H1-7: variants seen among roughly 807,000 people sequenced by gnomAD.
H1-7 encodes the protein H1.7 linker histone, also known as testis-specific H1 histone.
Under a neutral mutation model 0.3 loss-of-function variants are expected in H1-7, and 1 was observed. The observed-to-expected ratio is 3.06, with a 90% CI of 1.09 to 14.53. The LOEUF is 14.53. Among genes scored for constraint, H1-7 ranks in the 30% most tolerant of loss-of-function variants. The pLI, the probability that H1-7 is intolerant of heterozygous loss-of-function variation, is 0.12. For missense variants in H1-7, 393 were observed against 353.1 expected (o/e 1.11, Z -0.91); for synonymous variants, 177 against 153.2 (o/e 1.16, Z -1.15).
Position 48,329,837 on chromosome 12 carries a change from C to A in H1-7, c.546C>A (p.Ala182=). 6.3e-7 allele frequency: 1 copy of A among 1,592,400 alleles called. No homozygotes were observed. Among genetic ancestry groups the A allele is most frequent in the South Asian group, 1.1e-5 (1 of 88,432 alleles). The change falls in exon 1 of 1, where the codon GCC becomes GCA. Residue 182 remains alanine (A), a synonymous_variant. Coordinates refer to ENST00000335017, the MANE Select transcript of H1-7 (RefSeq NM_181788.1). ...GGAACGCGAGGGCGAAAGCCAAGGC[C>A]AATGCCAGGGCGAGGAGGACCAGGA... ...WRRNARAKAK[A]NARARRTRRA... is the part of the protein sequence containing the mutation.
chr12:48,330,099 G>A lies in H1-7; in HGVS notation c.*40G>A. ...AACCGACCGGACATCTAGCGGGCAG[G>A]GGAAGACTCCACTAAAGACTTCCAC... On this transcript the variant is annotated 3_prime_UTR_variant, in exon 1 of 1. Transcript: ENST00000335017. 1.3e-6 allele frequency: 2 copies of A among 1,553,762 alleles called. No homozygotes were observed. The highest frequency in any genetic ancestry group is 1.2e-5 in the South Asian group (1 of 80,712).
Position 48,329,020 on chromosome 12 carries a change from A to G in H1-7, c.-272A>G, listed in dbSNP as rs1952535959. The G allele has an allele frequency of 2.3e-6, 1 of 435,984 alleles. No individual in the cohort carries two copies. The highest frequency in any genetic ancestry group is 4.0e-6 in the Non-Finnish European group (1 of 247,072). 27.0% of individuals were successfully genotyped at this position (435,984 alleles called of 1,614,324 possible). On this transcript the variant is annotated 5_prime_UTR_variant, in exon 1 of 1. Coordinates refer to ENST00000335017, the MANE Select transcript of H1-7 (RefSeq NM_181788.1). ...AGATGGTTTGCAGGACCACATACAC[A>G]CACAAAATAGCCGACTAAAGAAAGC...
In H1-7 at chr12:48,329,384, A is replaced by C. The variant is rs773355564; in HGVS notation, c.93A>C (p.Glu31Asp). The stretch of plus-strand genomic sequence containing the variant: ...CTGAGGCGCCTGGGCCCAGTGGCGA[A>C]TCCCGAGGACACTCAGCCACTCAGC... Reference protein sequence around the residue: ...AMAEAPGPSGESRGHSATQLP... With the variant: ...AMAEAPGPSGDSRGHSATQLP... Residue 31 changes from glutamate to aspartate, a missense_variant, in exon 1 of 1, where the codon GAA (glutamate) becomes GAC (aspartate). By Grantham distance (45) the Glu-to-Asp change is conservative. Transcript: ENST00000335017. 112 of 1,613,498 alleles carry C rather than the reference A, an allele frequency of 6.9e-5. 1 individual carries two copies. Among genetic ancestry groups the C allele is most frequent in the Non-Finnish European group, 8.2e-5 (97 of 1,179,826 alleles).
In H1-7 at chr12:48,330,117, A is replaced by G. The variant is rs373879950; in HGVS notation, c.*58A>G. The G allele has an allele frequency of 6.7e-7, 1 of 1,494,750 alleles. No individual in the cohort carries two copies. The highest frequency in any genetic ancestry group is 8.9e-7 in the Non-Finnish European group (1 of 1,122,322). The allele number at this position is 1,494,750 out of a possible 1,614,324, so 92.6% of individuals were successfully genotyped here. A position where few individuals can be genotyped will look rare whatever the true frequency, so the allele number is the denominator to read the frequency against. ...CGGGCAGGGGAAGACTCCACTAAAGACTTCCACAAAGACCTCCCCTAAATC... is the reference window on the plus strand; with the variant it reads ...CGGGCAGGGGAAGACTCCACTAAAGGCTTCCACAAAGACCTCCCCTAAATC... On this transcript the variant is annotated 3_prime_UTR_variant, in exon 1 of 1. Coordinates refer to ENST00000335017, the MANE Select transcript of H1-7 (RefSeq NM_181788.1).
In H1-7 at chr12:48,329,781, G is replaced by A; in HGVS notation, c.490G>A (p.Ala164Thr). Residue 164 changes from alanine (A) to threonine (T), a missense_variant, in exon 1 of 1, where the codon GCG (alanine) becomes ACG (threonine). Transcript: ENST00000335017. ...SRRRRQPLRKAARKAREVWRR... is the reference protein window; with the variant it reads ...SRRRRQPLRKTARKAREVWRR... ...GAGGCGCCGCCAGCCCCTTCGCAAG[G>A]CGGCCAGGAAGGCCAGAGAAGTGTG... The A allele has an allele frequency of 6.3e-7, 1 of 1,599,586 alleles. No homozygotes were observed. The highest frequency in any genetic ancestry group is 1.3e-5 in the African/African-American group (1 of 74,946).
At position 48,329,805 on chromosome 12, in the gene H1-7, T is replaced by C. The variant is rs956463889; in HGVS notation, c.514T>C (p.Trp172Arg). The change falls in exon 1 of 1, where the codon TGG becomes CGG. Residue 172 changes from tryptophan to arginine, a missense_variant. Physicochemically the swap from Trp to Arg is moderately radical, Grantham distance 101. Coordinates refer to ENST00000335017, the MANE Select transcript of H1-7 (RefSeq NM_181788.1). Reference sequence around the variant, plus strand: ...GGCGGCCAGGAAGGCCAGAGAAGTGTGGAGACGGAACGCGAGGGCGAAAGC... The same window carrying C: ...GGCGGCCAGGAAGGCCAGAGAAGTGCGGAGACGGAACGCGAGGGCGAAAGC... ...RKAARKAREV[W>R]RRNARAKAKA... 6.3e-7 allele frequency: 1 copy of C among 1,598,112 alleles called. No homozygotes were observed. The highest frequency in any genetic ancestry group is 1.1e-5 in the South Asian group (1 of 89,140).
chr12:48,329,752 C>G lies in H1-7; in HGVS notation c.461C>G (p.Ser154Cys). Residue 154 changes from serine to cysteine, a missense_variant, in exon 1 of 1, where the codon TCC becomes TGC. Transcript: ENST00000335017. ...PWRTPAAPRS[S>C]RRRRQPLRKA... ...AGGACCCCAGCCGCGCCCCGGAGCT[C>G]CCGGAGGCGCCGCCAGCCCCTTCGC... The G allele has an allele frequency of 6.3e-7, 1 of 1,599,890 alleles. No homozygotes were observed. The highest frequency in any genetic ancestry group is 8.5e-7 in the Non-Finnish European group (1 of 1,174,774).
Position 48,329,313 on chromosome 12 carries a change from G to A in H1-7, c.22G>A (p.Glu8Lys). 2.5e-6 allele frequency: 4 copies of A among 1,594,048 alleles called. No homozygotes were observed. The highest frequency in any genetic ancestry group is 3.4e-6 in the Non-Finnish European group (4 of 1,170,806). MEQALTGEAQSRWPRRGG... is the reference protein window; with the variant it reads MEQALTGKAQSRWPRRGG... ...AGCTATGGAACAGGCCTTGACTGGTGAGGCCCAAAGCCGGTGGCCCCGCAG... is the reference window on the plus strand; with the variant it reads ...AGCTATGGAACAGGCCTTGACTGGTAAGGCCCAAAGCCGGTGGCCCCGCAG... Residue 8 changes from glutamate (E) to lysine (K), a missense_variant, in exon 1 of 1, where the codon GAG (glutamate) becomes AAG (lysine). Physicochemically the swap from Glu to Lys is moderately conservative, Grantham distance 56. Transcript: ENST00000335017.
rs759412124 is a variant in H1-7, at chr12:48,329,694, G to A, written c.403G>A (p.Ala135Thr). 1 of 1,610,802 alleles carries A rather than the reference G, an allele frequency of 6.2e-7. No individual in the cohort carries two copies. Among genetic ancestry groups the A allele is most frequent in the Non-Finnish European group, 8.5e-7 (1 of 1,179,418 alleles). The change falls in exon 1 of 1, where the codon GCG (alanine) becomes ACG (threonine). Residue 135 changes from alanine (A) to threonine (T), a missense_variant. Physicochemically the swap from Ala to Thr is moderately conservative, Grantham distance 58. Transcript: ENST00000335017. ...CAAGCCCAGGAGAAAGCCGGGACGC[G>A]CGAGGCAAGAGGAGGGCACGCGCGC... ...VPKPRRKPGR[A>T]RQEEGTRAPW...
At position 48,329,562 on chromosome 12, in the gene H1-7, C is replaced by A. The variant is rs1193414348; in HGVS notation, c.271C>A (p.Arg91Ser). The change falls in exon 1 of 1, where the codon CGC becomes AGC. Residue 91 changes from arginine (R) to serine (S), a missense_variant. Transcript: ENST00000335017. Reference protein sequence around the residue: ...KELRNAGYEVRRKSGRHEAPR... With the variant: ...KELRNAGYEVSRKSGRHEAPR... Reference sequence around the variant, plus strand: ...GCTCCGAAACGCCGGCTACGAAGTGCGCAGGAAGAGCGGCCGCCACGAAGC... The same window carrying A: ...GCTCCGAAACGCCGGCTACGAAGTGAGCAGGAAGAGCGGCCGCCACGAAGC... The A allele has an allele frequency of 6.2e-7, 1 of 1,612,530 alleles. No homozygotes were observed. Among genetic ancestry groups the A allele is most frequent in the South Asian group, 1.1e-5 (1 of 90,984 alleles).
chr12:48,329,249 C>A lies in H1-7; in HGVS notation c.-43C>A. 1 of 1,474,396 alleles carries A rather than the reference C, an allele frequency of 6.8e-7. No individual in the cohort carries two copies. The highest frequency in any genetic ancestry group is 9.0e-7 in the Non-Finnish European group (1 of 1,112,810). The allele number at this position is 1,474,396 out of a possible 1,614,324, so 91.3% of individuals were successfully genotyped here. ...CCCCATAATTAGGACCTGAAAATCT[C>A]TGCCAGGCCTGCCTTTGTGACGTGG... is the stretch of plus-strand genomic sequence containing the variant. On this transcript the variant is annotated 5_prime_UTR_variant, in exon 1 of 1. In the 5' UTR this introduces an upstream ATG that the reference lacks. Transcript: ENST00000335017.
In H1-7 at chr12:48,329,332, C is replaced by T. The variant is rs777353217; in HGVS notation, c.41C>T (p.Pro14Leu). The T allele has an allele frequency of 4.4e-6, 7 of 1,605,614 alleles. No individual in the cohort carries two copies. Among genetic ancestry groups the T allele is most frequent in the Admixed American group, 1.7e-5 (1 of 59,184 alleles). ...ACTGGTGAGGCCCAAAGCCGGTGGCCCCGCAGAGGCGGGAGTGGGGCCATG... is the reference window on the plus strand; with the variant it reads ...ACTGGTGAGGCCCAAAGCCGGTGGCTCCGCAGAGGCGGGAGTGGGGCCATG... Reference protein sequence around the residue: ...ALTGEAQSRWPRRGGSGAMAE... With the variant: ...ALTGEAQSRWLRRGGSGAMAE... The change falls in exon 1 of 1, where the codon CCC becomes CTC. Residue 14 changes from proline to leucine, a missense_variant. Physicochemically the swap from Pro to Leu is moderately conservative, Grantham distance 98. Coordinates refer to ENST00000335017, the MANE Select transcript of H1-7 (RefSeq NM_181788.1).
rs1952542338 is a variant in H1-7 at position 48,329,547 on chromosome 12, G to A, written c.256G>A (p.Ala86Thr). 6.2e-7 allele frequency: 1 copy of A among 1,613,024 alleles called. No individual in the cohort carries two copies. The highest frequency in any genetic ancestry group is 8.5e-7 in the Non-Finnish European group (1 of 1,179,806). Residue 86 changes from alanine (A) to threonine (T), a missense_variant, in exon 1 of 1, where the codon GCC (alanine) becomes ACC (threonine). Transcript: ENST00000335017. ...AGCTCTCAAGAAGGAGCTCCGAAAC[G>A]CCGGCTACGAAGTGCGCAGGAAGAG... ...LAALKKELRN[A>T]GYEVRRKSGR...
Position 48,329,941 on chromosome 12 carries a change from G to T in H1-7, c.650G>T (p.Arg217Leu). 2 of 1,608,446 alleles carry T rather than the reference G, an allele frequency of 1.2e-6. No homozygotes were observed. The highest frequency in any genetic ancestry group is 1.7e-6 in the Non-Finnish European group (2 of 1,177,546). The change falls in exon 1 of 1, where the codon CGA becomes CTA. Residue 217 changes from arginine to leucine, a missense_variant. Arg to Leu is a moderately radical substitution (Grantham distance 102, BLOSUM62 -2). Coordinates refer to ENST00000335017, the MANE Select transcript of H1-7 (RefSeq NM_181788.1). ...GGAGCGACAGCGGCAGACGAGGGGC[G>T]AGGACAGGCCGTGAAGGAAGACACC... Reference protein sequence around the residue: ...EAGATAADEGRGQAVKEDTTP... With the variant: ...EAGATAADEGLGQAVKEDTTP...
Position 48,329,056 on chromosome 12 carries a change from G to T in H1-7, c.-236G>T. 1.1e-5 allele frequency: 5 copies of T among 459,012 alleles called. No homozygotes were observed. The highest frequency in any genetic ancestry group is 1.9e-5 in the Non-Finnish European group (5 of 262,916). The allele number at this position is 459,012 out of a possible 1,614,324, so 28.4% of individuals were successfully genotyped here. On this transcript the variant is annotated 5_prime_UTR_variant, in exon 1 of 1. Transcript: ENST00000335017. ...CCGACTAAAGAAAGCGGTGGAGATC[G>T]AGATCAGTAAGTTTGATTTGGGAAC...
At position 48,330,097 on chromosome 12, in the gene H1-7, AG is replaced by A. The variant is rs1240377759; in HGVS notation, c.*42del. 6.8e-5 allele frequency: 106 copies of A among 1,556,562 alleles called. No homozygotes were observed. Among genetic ancestry groups the A allele is most frequent in the Non-Finnish European group, 9.2e-5 (106 of 1,155,382 alleles). On this transcript the variant is annotated 3_prime_UTR_variant, in exon 1 of 1. Coordinates refer to ENST00000335017, the MANE Select transcript of H1-7 (RefSeq NM_181788.1). ...AAAACCGACCGGACATCTAGCGGGC[AG>A]GGGAAGACTCCACTAAAGACTTCCA...
chr12:48,330,002 C>T lies in H1-7; in HGVS notation c.711C>T (p.Ser237=). Residue 237 remains serine, a synonymous_variant, in exon 1 of 1, where the codon TCC becomes TCT. Coordinates refer to ENST00000335017, the MANE Select transcript of H1-7 (RefSeq NM_181788.1). ...PRSGKDKRRS[S]KPREEKQEPK... ...CAGGGAAGGACAAGAGGCGAAGCTC[C>T]AAGCCCAGGGAAGAGAAGCAGGAGC... 6.2e-7 allele frequency: 1 copy of T among 1,613,820 alleles called. No homozygotes were observed. Among genetic ancestry groups the T allele is most frequent in the Non-Finnish European group, 8.5e-7 (1 of 1,179,934 alleles).
At position 48,329,073 on chromosome 12, in the gene H1-7, T is replaced by C. The variant is rs1317054544; in HGVS notation, c.-219T>C. On this transcript the variant is annotated 5_prime_UTR_variant, in exon 1 of 1. Coordinates refer to ENST00000335017, the MANE Select transcript of H1-7 (RefSeq NM_181788.1). ...TGGAGATCGAGATCAGTAAGTTTGA[T>C]TTGGGAACAAAACCCTGGAGACTCT... 9 of 479,596 alleles carry C rather than the reference T, an allele frequency of 1.9e-5. No individual in the cohort carries two copies. Among genetic ancestry groups the C allele is most frequent in the Non-Finnish European group, 2.9e-5 (8 of 278,290 alleles). 29.7% of individuals were successfully genotyped at this position (479,596 alleles called of 1,614,324 possible). A position where few individuals can be genotyped will look rare whatever the true frequency, so the allele number is the denominator to read the frequency against.
rs141145771 is a variant in H1-7 at position 48,330,017 on chromosome 12, G to C, written c.726G>C (p.Glu242Asp). Residue 242 changes from glutamate to aspartate, a missense_variant, in exon 1 of 1, where the codon GAG (glutamate) becomes GAC (aspartate). Coordinates refer to ENST00000335017, the MANE Select transcript of H1-7 (RefSeq NM_181788.1). Reference sequence around the variant, plus strand: ...GGCGAAGCTCCAAGCCCAGGGAAGAGAAGCAGGAGCCCAAGAAGCCCGCAC... The same window carrying C: ...GGCGAAGCTCCAAGCCCAGGGAAGACAAGCAGGAGCCCAAGAAGCCCGCAC... ...DKRRSSKPRE[E>D]KQEPKKPAQR... is the part of the protein sequence containing the mutation. 1.9e-6 allele frequency: 3 copies of C among 1,613,636 alleles called. No homozygotes were observed. The highest frequency in any genetic ancestry group is 2.7e-5 in the African/African-American group (2 of 74,924).
Sources: gnomAD v4.1 joint callset for allele counts on GRCh38, gnomAD v4.1.1 for gene constraint, MANE v1.5 for transcripts, NCBI Gene and HGNC (gene_info 2026-07-23, HGNC 2026-07-21) for gene names.